KCTD16: variants seen among roughly 807,000 people sequenced by gnomAD.
KCTD16 encodes potassium channel tetramerization domain containing 16.
Under a neutral mutation model 33.2 loss-of-function variants are expected in KCTD16, and 13 were observed. The ratio of observed to expected loss-of-function variants is 0.39; its 90% CI spans 0.25 to 0.62. The LOEUF (loss-of-function observed/expected upper bound fraction) is 0.62. Among genes scored for constraint, KCTD16 ranks in the 20% least tolerant of loss-of-function variants. The pLI is 0.50. For synonymous variants in KCTD16, 197 were observed against 195.3 expected (o/e 1.01, Z -0.07); for missense variants, 441 against 525.1 (o/e 0.84, Z 1.57).
In KCTD16 at chr5:144,251,004, C is replaced by A. The variant is rs978901728; in HGVS notation, c.832+43458C>A. On this transcript the variant is annotated intron_variant, in intron 3 of 3. Transcript: ENST00000512467. ...CTAGTCTCCTGCTCTCGATAAGTAG[C>A]CACATTTTTACTTTGAGGAAATATT... Among the ~76,000 whole-genome samples the A allele has an allele frequency of 3.3e-5, 5 of 151,868 alleles. No individual in the cohort carries two copies. In the South Asian group the frequency reaches 8.4e-4, roughly 25 times the overall value.
intron 3 of KCTD16, among the ~76,000 whole-genome samples, chr5:144,326,297 G>A (rs771641435): frequency 6.6e-6 from 1 of 152,114 alleles, no homozygotes; most frequent in Non-Finnish European, 1.5e-5. Context: ...TTGACTGAGA[G>A]GGTAATAGTA....
Position 144,206,495 on chromosome 5 carries a change from ATCC to A in KCTD16, c.-219_-217del. The A allele has an allele frequency of 2.0e-6, 1 of 502,976 alleles. No homozygotes were observed. The highest frequency in any genetic ancestry group is 3.5e-6 in the Non-Finnish European group (1 of 286,496). The allele number at this position is 502,976 out of a possible 1,614,324, so 31.2% of individuals were successfully genotyped here. A position where few individuals can be genotyped will look rare whatever the true frequency, so the allele number is the denominator to read the frequency against. On this transcript the variant is annotated 5_prime_UTR_variant, in exon 3 of 4. Transcript: ENST00000512467. ...TTTTATGAAGTAGCAGCTCACTACC[ATCC>A]ACCATCCAGGGTTTAAACTACTTTT... is the stretch of plus-strand genomic sequence containing the variant.
At chr5:144,399,311 C>G (rs1580932041) in intron 3 of KCTD16, among the ~76,000 whole-genome samples, 1 of 152,110 alleles carries the variant, frequency 6.6e-6, no homozygotes, top group East Asian at 1.9e-4. Flanking sequence ...CTACCATTAA[C>G]TAATGTTTTT....
rs374421486 is a variant in KCTD16, at chr5:144,247,882, G to T, written c.832+40336G>T. Among the ~76,000 whole-genome samples, 10 of 152,260 alleles carry T rather than the reference G, an allele frequency of 6.6e-5. No homozygotes were observed. In the East Asian group the frequency reaches 1.7e-3, roughly 26 times the overall value. On this transcript the variant is annotated intron_variant, in intron 3 of 3. Coordinates refer to ENST00000512467, the MANE Select transcript of KCTD16 (RefSeq NM_020768.4). Reference sequence around the variant, plus strand: ...ACTTCTCTAATTTTCCCACCATCTTGTCTGTCCACTGTTCTTCCCTGCAAG... The same window carrying T: ...ACTTCTCTAATTTTCCCACCATCTTTTCTGTCCACTGTTCTTCCCTGCAAG...
chr5:144,389,111 A>T (rs75314972), intron 3 of KCTD16, among the ~76,000 whole-genome samples: 1 of 152,180 alleles, frequency 6.6e-6, no homozygotes, highest in Admixed American at 6.5e-5. Context: ...ACTTCAGCAG[A>T]TGAAGTCAGT....
In KCTD16 at chr5:144,206,391, G is replaced by A. The variant is rs530989380; in HGVS notation, c.-324G>A. The A allele has an allele frequency of 4.7e-4, 114 of 242,354 alleles. 2 individuals are homozygous for A. In the Middle Eastern group the frequency reaches 7.8e-3, roughly 16 times the overall value. The allele number at this position is 242,354 out of a possible 1,614,324, so 15.0% of individuals were successfully genotyped here. ...TAATTTTTTCTCTTTTCCTTCAGAC[G>A]GACATCTGAGTAACTGGGGAATTGG... On this transcript the variant is annotated splice_region_variant and 5_prime_UTR_variant, in exon 3 of 4. Transcript: ENST00000512467.
rs185936644 is a variant in KCTD16 at position 144,212,597 on chromosome 5, C to T, written c.832+5051C>T. 2.4e-3 allele frequency among the ~76,000 whole-genome samples: 360 copies of T among 152,310 alleles called. 1 individual carries two copies. Among genetic ancestry groups the T allele is most frequent in the African/African-American group, 8.3e-3 (347 of 41,572 alleles). On this transcript the variant is annotated intron_variant, in intron 3 of 3. Transcript: ENST00000512467. ...TGCCACAAAGCTCCATCTGGAACACCTCCAAACACAAAACACGGAAAGGAG... is the reference window on the plus strand; with the variant it reads ...TGCCACAAAGCTCCATCTGGAACACTTCCAAACACAAAACACGGAAAGGAG...
intron 3 of KCTD16, among the ~76,000 whole-genome samples, chr5:144,306,494 G>T (rs534819724): frequency 1.1e-4 from 16 of 152,310 alleles, no homozygotes; most frequent in Middle Eastern, 3.4e-3. Context: ...AAGCTCAAGG[G>T]CCAGGAAGTA....
At chr5:144,404,299 C>T (rs969336248) in intron 3 of KCTD16, among the ~76,000 whole-genome samples, 1 of 152,082 alleles carries the variant, frequency 6.6e-6, no homozygotes, top group Non-Finnish European at 1.5e-5. Context: ...TAGTTTAATA[C>T]CATCCCTTAA....
intron 3 of KCTD16, among the ~76,000 whole-genome samples, chr5:144,373,165 G>A (rs571417896): frequency 6.6e-6 from 1 of 152,100 alleles, no homozygotes; most frequent in Non-Finnish European, 1.5e-5. Context: ...TTGACAGACA[G>A]GAAGCAGGAC....
chr5:144,182,784 C>A (rs865901381), intron 2 of KCTD16, among the ~76,000 whole-genome samples: 2 of 152,048 alleles, frequency 1.3e-5, no homozygotes, highest in African/African-American at 4.8e-5. Flanking sequence ...GAGAGAAAGA[C>A]AGACAGAGAC....
chr5:144,424,164 A>G (rs140020764), intron 3 of KCTD16, among the ~76,000 whole-genome samples: 196 of 152,294 alleles, frequency 1.3e-3, no homozygotes, highest in Middle Eastern at 3.4e-3. Context: ...GTAGGAAAAC[A>G]CATGTTAAAC....
In KCTD16 at chr5:144,353,447, A is replaced by G. The variant is rs148913217; in HGVS notation, c.833-120213A>G. Among the ~76,000 whole-genome samples, 27 of 152,300 alleles carry G rather than the reference A, an allele frequency of 1.8e-4. No individual in the cohort carries two copies. The East Asian group carries it at 4.2e-3, about 24-fold the overall frequency. Reference sequence around the variant, plus strand: ...TTCCTACCACTGCTTTAAACCAGCTATAGACTCAGCCTAATTTTTAATCTT... The same window carrying G: ...TTCCTACCACTGCTTTAAACCAGCTGTAGACTCAGCCTAATTTTTAATCTT... On this transcript the variant is annotated intron_variant, in intron 3 of 3. Coordinates refer to ENST00000512467, the MANE Select transcript of KCTD16 (RefSeq NM_020768.4).
chr5:144,284,512 A>G (rs1755691167), intron 3 of KCTD16, among the ~76,000 whole-genome samples: 1 of 152,208 alleles, frequency 6.6e-6, no homozygotes, highest in South Asian at 2.1e-4. Context: ...CAGAGGAGGA[A>G]GTGAATATGC....
At chr5:144,201,544 G>A (rs920381495) in intron 2 of KCTD16, among the ~76,000 whole-genome samples, 1 of 152,140 alleles carries the variant, frequency 6.6e-6, no homozygotes, top group Non-Finnish European at 1.5e-5. Context: ...CATTTATTAA[G>A]CACTTGCTAA....
At chr5:144,301,058 C>T (rs998143451) in intron 3 of KCTD16, among the ~76,000 whole-genome samples, 4 of 151,808 alleles carry the variant, frequency 2.6e-5, no homozygotes, top group Non-Finnish European at 2.9e-5. Flanking sequence ...CAGGCCAACA[C>T]GGTGAAACCC....
At chr5:144,307,388 G>A (rs954170778) in intron 3 of KCTD16, among the ~76,000 whole-genome samples, 2 of 152,120 alleles carry the variant, frequency 1.3e-5, no homozygotes, top group African/African-American at 2.4e-5. Context: ...ACTTCTTGAG[G>A]ACTGAGACAG....
intron 3 of KCTD16, among the ~76,000 whole-genome samples, chr5:144,251,302 C>T (rs1014497039): frequency 1.3e-5 from 2 of 152,148 alleles, no homozygotes; most frequent in South Asian, 4.1e-4. Flanking sequence ...TGGGTTCTCA[C>T]TCAGCTCCAC....
At chr5:144,273,132 TAAAC>T (rs1028904902) in intron 3 of KCTD16, among the ~76,000 whole-genome samples, 1 of 151,930 alleles carries the variant, frequency 6.6e-6, no homozygotes, top group African/African-American at 2.4e-5. Flanking sequence ...AAAAACAAAA[TAAAC>T]AACCCAATTT....
Sources: allele counts gnomAD v4.1 joint callset (sites outside exome capture counted in the v4.1 genomes callset), GRCh38; gene constraint gnomAD v4.1.1; transcripts MANE v1.5; gene names NCBI Gene and HGNC (gene_info 2026-07-23, HGNC 2026-07-21).